TENM4: variants seen among roughly 807,000 people sequenced by gnomAD.
TENM4 encodes teneurin-4.
A neutral mutation model predicts 243.3 loss-of-function variants in TENM4; 82 were observed. The observed-to-expected ratio is 0.34, with a 90% CI of 0.28 to 0.40. The LOEUF is 0.40. Among genes scored for constraint, TENM4 ranks in the 10% least tolerant of loss-of-function variants. The probability of loss-of-function intolerance (pLI) is 1.00; values close to 1 mark genes in which losing one functional copy is unlikely to be tolerated. For missense variants in TENM4, 3,138 were observed against 3,673.3 expected (o/e 0.85, Z 3.77); for synonymous variants, 1,412 against 1,456.3 (o/e 0.97, Z 0.69).
rs137967013 is a variant in TENM4, at chr11:78,922,813, C to T, written c.494-19290G>A. On this transcript the variant is annotated intron_variant, in intron 6 of 33. Transcript: ENST00000278550. Reference sequence around the variant, plus strand: ...AGGCATTCGGGAGGTTAGGTGCACCCGGAGGTAGAAGACTCTCAGGCCTGG... The same window carrying T: ...AGGCATTCGGGAGGTTAGGTGCACCTGGAGGTAGAAGACTCTCAGGCCTGG... Among the ~76,000 whole-genome samples the T allele has an allele frequency of 2.7e-3, 404 of 152,176 alleles. 2 individuals carry two copies. Among genetic ancestry groups the T allele is most frequent in the Non-Finnish European group, 4.4e-3 (300 of 68,010 alleles).
chr11:78,854,308 A>G lies in TENM4; in HGVS notation c.1477T>C (p.Phe493Leu). The change falls in exon 12 of 34, where the codon TTT becomes CTT. Residue 493 changes from phenylalanine (F) to leucine (L), a missense_variant. Phe to Leu is a conservative substitution (Grantham distance 22, BLOSUM62 0). Coordinates refer to ENST00000278550, the MANE Select transcript of TENM4 (RefSeq NM_001098816.3). ...CTCCTGCCATCCAGCAGCTCCACAA[A>G]GTCAAACTGAAAGACAGAGAAAGCA... The part of the protein sequence containing the change: ...GLPPSHTQFD[F>L]VELLDGRRLL... 1 of 1,506,194 alleles carries G rather than the reference A, an allele frequency of 6.6e-7. No individual in the cohort carries two copies. The highest frequency in any genetic ancestry group is 8.9e-7 in the Non-Finnish European group (1 of 1,124,238). 93.3% of individuals were successfully genotyped at this position (1,506,194 alleles called of 1,614,324 possible).
In TENM4 at chr11:78,778,611, C is replaced by G; in HGVS notation, c.2383G>C (p.Val795Leu). The change falls in exon 17 of 34, where the codon GTA becomes CTA. Residue 795 changes from valine to leucine, a missense_variant. By Grantham distance (32) the Val-to-Leu change is conservative (BLOSUM62 1). Transcript: ENST00000278550. ...GGAAGGAAGACCATACCTTTAACTA[C>G]CCTATCCAGATAGTGAGCTAGGGAG... ...HCTIAHYLDR[V>L]VKEGCPGLCN... The G allele has an allele frequency of 6.2e-7, 1 of 1,612,256 alleles. No individual in the cohort carries two copies. The highest frequency in any genetic ancestry group is 8.5e-7 in the Non-Finnish European group (1 of 1,179,240).
rs557915466 is a variant in TENM4, at chr11:79,391,419, T to G, written c.-321+49090A>C. ...GATGCCAAGTGGAACCAGGCTCCCC[T>G]AGGGTACCTGAGGTCCACATGTCTT... On this transcript the variant is annotated intron_variant, in intron 1 of 33. Coordinates refer to ENST00000278550, the MANE Select transcript of TENM4 (RefSeq NM_001098816.3). Among the ~76,000 whole-genome samples, 889 of 152,214 alleles carry G rather than the reference T, an allele frequency of 5.8e-3. 6 individuals are homozygous for G. Among genetic ancestry groups the G allele is most frequent in the Non-Finnish European group, 9.8e-3 (669 of 68,016 alleles).
chr11:79,264,083 G>A (rs1044558397), intron 2 of TENM4, among the ~76,000 whole-genome samples: 1 of 152,202 alleles, frequency 6.6e-6, no homozygotes, highest in African/African-American at 2.4e-5. Flanking sequence ...AAAAAGAGAT[G>A]TTCAAGTAGG....
At chr11:79,235,317 A>G (rs1864444778) in intron 2 of TENM4, among the ~76,000 whole-genome samples, 1 of 151,776 alleles carries the variant, frequency 6.6e-6, no homozygotes, top group Non-Finnish European at 1.5e-5. Context: ...TCCGTCTCCA[A>G]AAAAAAATGA....
At chr11:78,786,545 G>A (rs755376700) in intron 16 of TENM4, among the ~76,000 whole-genome samples, 2 of 152,330 alleles carry the variant, frequency 1.3e-5, no homozygotes, top group East Asian at 3.9e-4. Flanking sequence ...GAAAGTTGAC[G>A]GGGCTTGCCC....
At chr11:78,744,763 G>T (rs1856008783) in intron 19 of TENM4, among the ~76,000 whole-genome samples, 1 of 152,160 alleles carries the variant, frequency 6.6e-6, no homozygotes, top group Non-Finnish European at 1.5e-5. Flanking sequence ...GTTCACCTTG[G>T]GAAGGGTAAC....
chr11:78,898,912 T>C (rs1319478678), intron 7 of TENM4, among the ~76,000 whole-genome samples: 3 of 152,216 alleles, frequency 2.0e-5, no homozygotes, highest in South Asian at 4.1e-4. Flanking sequence ...CACTACATAA[T>C]AAGTAGTTGA....
chr11:78,849,538 G>T (rs1255059231), intron 12 of TENM4, among the ~76,000 whole-genome samples: 1 of 152,126 alleles, frequency 6.6e-6, no homozygotes, highest in Non-Finnish European at 1.5e-5. Context: ...ATAAAAAAGA[G>T]AGCTAAGCAT....
intron 2 of TENM4, among the ~76,000 whole-genome samples, chr11:79,223,163 AT>A (rs573051511): frequency 8.5e-5 from 13 of 152,288 alleles, no homozygotes; most frequent in African/African-American, 2.9e-4. Flanking sequence ...GAAAAAAAAA[AT>A]AACAGGCTCT....
At chr11:78,986,869 C>T (rs961644662) in intron 6 of TENM4, among the ~76,000 whole-genome samples, 50 of 152,336 alleles carry the variant, frequency 3.3e-4, no homozygotes, top group African/African-American at 1.2e-3. Context: ...TGACCCCACT[C>T]GGCTGGTCAT....
In TENM4 at chr11:79,065,016, A is replaced by G; in HGVS notation, c.224-9T>C. On this transcript the variant is annotated splice_polypyrimidine_tract_variant and intron_variant, in intron 5 of 33. Coordinates refer to ENST00000278550, the MANE Select transcript of TENM4 (RefSeq NM_001098816.3). ...CAGGGTGAAGTTGGCACCTGGGAGG[A>G]AACACAGGTGAACTTGGTTAGGGCA... The G allele has an allele frequency of 1.4e-6, 2 of 1,455,208 alleles. No homozygotes were observed. The highest frequency in any genetic ancestry group is 1.8e-6 in the Non-Finnish European group (2 of 1,099,862). 90.1% of individuals were successfully genotyped at this position (1,455,208 alleles called of 1,614,324 possible).
intron 22 of TENM4, 32 bp downstream of exon 22, chr11:78,729,344 T>A (rs1855596586): frequency 6.5e-7 from 1 of 1,549,634 alleles, no homozygotes; most frequent in South Asian, 1.2e-5. Context: ...CTGCAAGAGC[T>A]ATTCTCTGAG....
chr11:79,127,247 C>G (rs533305908), intron 4 of TENM4, among the ~76,000 whole-genome samples: 1 of 152,186 alleles, frequency 6.6e-6, no homozygotes, highest in East Asian at 1.9e-4. Flanking sequence ...AAATAATATC[C>G]ATCCCTGCAG....
chr11:79,008,703 A>G (rs766855573), intron 6 of TENM4, among the ~76,000 whole-genome samples: 7 of 152,202 alleles, frequency 4.6e-5, no homozygotes, highest in Non-Finnish European at 7.3e-5. Flanking sequence ...ATTATAAATA[A>G]TGACATCATG....
chr11:79,318,257 AT>A (rs1052606752), intron 1 of TENM4, among the ~76,000 whole-genome samples: 1 of 152,216 alleles, frequency 6.6e-6, no homozygotes, highest in Non-Finnish European at 1.5e-5. Context: ...CCAAGGCACT[AT>A]CCTAAACCAT....
At chr11:78,779,413 A>T (rs1378324183) in intron 16 of TENM4, among the ~76,000 whole-genome samples, 1 of 152,208 alleles carries the variant, frequency 6.6e-6, no homozygotes, top group African/African-American at 2.4e-5. Flanking sequence ...TTGTTTTCCA[A>T]TGGAGGGGTT....
At chr11:78,693,476 C>T (rs562019676) in intron 28 of TENM4, among the ~76,000 whole-genome samples, 15 of 152,314 alleles carry the variant, frequency 9.8e-5, no homozygotes, top group African/African-American at 3.6e-4. Flanking sequence ...GGGTTCATCA[C>T]TGCAGTATAT....
At chr11:79,130,079 C>T (rs1193622586) in intron 4 of TENM4, among the ~76,000 whole-genome samples, 1 of 152,102 alleles carries the variant, frequency 6.6e-6, no homozygotes, top group African/African-American at 2.4e-5. Context: ...CAGACAACTC[C>T]CAGTACCAGC....
Sources: allele counts gnomAD v4.1 joint callset (sites outside exome capture counted in the v4.1 genomes callset), GRCh38; gene constraint gnomAD v4.1.1; transcripts MANE v1.5; gene names NCBI Gene and HGNC (gene_info 2026-07-23, HGNC 2026-07-21).